Variants in SNTG1 observed in about 807,000 individuals in gnomAD.
SNTG1 encodes syntrophin gamma 1, also known as gamma-1-syntrophin.
In SNTG1, 39 loss-of-function variants were observed where a neutral mutation model predicts 74.7. That is an observed-to-expected ratio of 0.52 (90% CI 0.40 to 0.68). The LOEUF (loss-of-function observed/expected upper bound fraction) is 0.68. Ranked by LOEUF, SNTG1 falls within the 30% of genes least tolerant of loss-of-function variation. The probability of loss-of-function intolerance (pLI) is 0.00; values close to 1 mark genes in which losing one functional copy is unlikely to be tolerated. For missense variants in SNTG1, 685 were observed against 609.5 expected, an observed-to-expected ratio of 1.12 and a Z score of -1.30; for synonymous variants, 254 against 217.1, an observed-to-expected ratio of 1.17 and a Z score of -1.49.
chr8:50,075,131 C>T (rs987677338), intron 1 of SNTG1, among the ~76,000 whole-genome samples: 2 of 152,178 alleles, frequency 1.3e-5, no homozygotes, highest in African/African-American at 4.8e-5. Context: ...GCCTGCCATG[C>T]CCGAGCCTCT....
At chr8:50,066,934 C>T (rs1820946531) in intron 1 of SNTG1, among the ~76,000 whole-genome samples, 1 of 152,104 alleles carries the variant, frequency 6.6e-6, no homozygotes, top group South Asian at 2.1e-4. Context: ...TGGAAAACTC[C>T]ACTGGAAAAA....
rs747216999 is a variant in SNTG1, at chr8:50,553,008, A to G, written c.681-42A>G. On this transcript the variant is annotated intron_variant, in intron 11 of 18. Coordinates refer to ENST00000642720, the MANE Select transcript of SNTG1 (RefSeq NM_018967.5). Reference sequence around the variant, plus strand: ...ACTATTACGAGCTGCAAATAGATCAATGACATGAGGTTTTGATCTGATTTG... The same window carrying G: ...ACTATTACGAGCTGCAAATAGATCAGTGACATGAGGTTTTGATCTGATTTG... 6.2e-6 allele frequency: 10 copies of G among 1,609,180 alleles called. No individual in the cohort carries two copies. The Admixed American group carries it at 1.2e-4, about 19-fold the overall frequency.
intron 1 of SNTG1, among the ~76,000 whole-genome samples, chr8:50,078,426 C>A (rs1192722699): frequency 6.6e-6 from 1 of 152,142 alleles, no homozygotes; most frequent in Non-Finnish European, 1.5e-5. Flanking sequence ...ATCTTCTGTA[C>A]TCCTTCTTAG....
At chr8:50,790,687 G>T (rs772164544) in intron 18 of SNTG1, among the ~76,000 whole-genome samples, 3 of 151,842 alleles carry the variant, frequency 2.0e-5, no homozygotes, top group Non-Finnish European at 2.9e-5. Context: ...TTGGTCTCCT[G>T]CTTTCTCTTC....
At chr8:50,714,280 G>T (rs2095469944) in intron 17 of SNTG1, among the ~76,000 whole-genome samples, 2 of 151,978 alleles carry the variant, frequency 1.3e-5, no homozygotes, top group South Asian at 4.1e-4. Context: ...GATGCCTCCA[G>T]CTTTGTTCTT....
At chr8:50,678,917 G>A (rs992554893) in intron 15 of SNTG1, among the ~76,000 whole-genome samples, 1 of 152,026 alleles carries the variant, frequency 6.6e-6, no homozygotes, top group Admixed American at 6.6e-5. Flanking sequence ...TAAAGATATA[G>A]ATAAATAAAC....
At chr8:50,522,538 A>G (rs1375633421) in intron 9 of SNTG1, among the ~76,000 whole-genome samples, 2 of 151,260 alleles carry the variant, frequency 1.3e-5, no homozygotes, top group Non-Finnish European at 2.9e-5. Context: ...CCCTAACAAG[A>G]GTTCGCTGAA....
chr8:50,049,480 G>A (rs1275434690), intron 1 of SNTG1, among the ~76,000 whole-genome samples: 3 of 152,058 alleles, frequency 2.0e-5, no homozygotes, highest in Non-Finnish European at 4.4e-5. Flanking sequence ...AAAAACAGAC[G>A]ATCTTTATTT....
intron 17 of SNTG1, among the ~76,000 whole-genome samples, chr8:50,729,125 G>A (rs545487351): frequency 6.6e-6 from 1 of 152,314 alleles, no homozygotes; most frequent in East Asian, 1.9e-4. Context: ...GAGTGGTGCA[G>A]GTCCTAGGCT....
At chr8:50,699,298 A>T (rs1415497869) in intron 15 of SNTG1, among the ~76,000 whole-genome samples, 1 of 152,202 alleles carries the variant, frequency 6.6e-6, no homozygotes, top group African/African-American at 2.4e-5. Flanking sequence ...GCTACATTTT[A>T]CATAAAGTAA....
At chr8:50,187,179 A>G (rs2131751818) in intron 2 of SNTG1, among the ~76,000 whole-genome samples, 1 of 152,286 alleles carries the variant, frequency 6.6e-6, no homozygotes, top group East Asian at 1.9e-4. Flanking sequence ...TAAATTTCAT[A>G]TGGAACCAAA....
intron 1 of SNTG1, among the ~76,000 whole-genome samples, chr8:50,151,702 C>T (rs1448165049): frequency 6.6e-6 from 1 of 152,144 alleles, no homozygotes; most frequent in African/African-American, 2.4e-5. Flanking sequence ...TGTTCAGTTT[C>T]CATGTAGTTG....
intron 1 of SNTG1, chr8:49,914,907 A>G (rs1805884433): frequency 6.6e-6 from 1 of 152,192 alleles, no homozygotes; most frequent in African/African-American, 2.4e-5. Context: ...AGAAATCTGT[A>G]CAGTGTGTTA....
Position 50,614,744 on chromosome 8 carries a change from A to G in SNTG1, c.849+23827A>G, listed in dbSNP as rs186024121. Among the ~76,000 whole-genome samples, 1,240 of 152,298 alleles carry G rather than the reference A, an allele frequency of 8.1e-3. 8 individuals are homozygous for G. Among genetic ancestry groups the G allele is most frequent in the Non-Finnish European group, 0.011 (723 of 68,012 alleles). On this transcript the variant is annotated intron_variant, in intron 13 of 18. Transcript: ENST00000642720. Reference sequence around the variant, plus strand: ...GTCAATTATTGAAAATGAAATTTCAAAAAATAAAATTTATTTGGATTTCTT... The same window carrying G: ...GTCAATTATTGAAAATGAAATTTCAGAAAATAAAATTTATTTGGATTTCTT...
intron 18 of SNTG1, among the ~76,000 whole-genome samples, chr8:50,786,779 G>A (rs754767559): frequency 3.3e-5 from 5 of 151,872 alleles, no homozygotes; most frequent in Admixed American, 6.6e-5. Flanking sequence ...TGGGAAAACC[G>A]GTTATTGAAT....
chr8:50,382,832 C>T (rs1230069433), intron 2 of SNTG1, among the ~76,000 whole-genome samples: 1 of 152,084 alleles, frequency 6.6e-6, no homozygotes, highest in Non-Finnish European at 1.5e-5. Flanking sequence ...TTGGCTCATG[C>T]AATTGTGTGG....
intron 4 of SNTG1, among the ~76,000 whole-genome samples, chr8:50,419,703 A>T (rs1345779911): frequency 6.6e-6 from 1 of 152,216 alleles, no homozygotes; most frequent in Non-Finnish European, 1.5e-5. Flanking sequence ...AGAAGCAATA[A>T]TTAACAGATA....
chr8:49,946,734 T>C (rs748053704), intron 1 of SNTG1, among the ~76,000 whole-genome samples: 1 of 152,186 alleles, frequency 6.6e-6, no homozygotes, highest in Non-Finnish European at 1.5e-5. Context: ...AATCAACCAT[T>C]ACACGATATT....
intron 13 of SNTG1, among the ~76,000 whole-genome samples, chr8:50,603,175 T>C (rs2094787760): frequency 6.6e-6 from 1 of 152,216 alleles, no homozygotes; most frequent in Non-Finnish European, 1.5e-5. Flanking sequence ...GGCTATTTTC[T>C]TGATCTTGTG....
Sources: allele counts gnomAD v4.1 joint callset (sites outside exome capture counted in the v4.1 genomes callset), GRCh38; gene constraint gnomAD v4.1.1; transcripts MANE v1.5; gene names NCBI Gene and HGNC (gene_info 2026-07-23, HGNC 2026-07-21).